TMEM132D: variants seen among roughly 807,000 people sequenced by gnomAD.
The protein encoded by TMEM132D is mature OL transmembrane protein.
A neutral mutation model predicts 62.3 loss-of-function variants in TMEM132D; 21 were observed. The observed-to-expected ratio is 0.34, with a 90% confidence interval of 0.24 to 0.49. The LOEUF is 0.49. Ranked by LOEUF, TMEM132D falls within the 20% of genes least tolerant of loss-of-function variation. The pLI is 0.99. For missense variants in TMEM132D, 1,346 were observed against 1,402.8 expected (o/e 0.96, Z 0.65); for synonymous variants, 621 against 575.6 (o/e 1.08, Z -1.13).
intron 1 of TMEM132D, among the ~76,000 whole-genome samples, chr12:129,883,895 A>G (rs1281227651): frequency 6.6e-6 from 1 of 152,232 alleles, no homozygotes; most frequent in African/African-American, 2.4e-5. Context: ...AAATTAACCA[A>G]GACTGGATTA....
intron 1 of TMEM132D, among the ~76,000 whole-genome samples, chr12:129,755,589 C>G (rs1223236570): frequency 6.6e-6 from 1 of 152,168 alleles, no homozygotes; most frequent in Non-Finnish European, 1.5e-5. Context: ...TAGCTGGTCT[C>G]TAGGCACTAG....
At position 129,816,803 on chromosome 12, in the gene TMEM132D, T is replaced by C. The variant is rs138933462; in HGVS notation, c.79+86458A>G. 2.2e-4 allele frequency among the ~76,000 whole-genome samples: 34 copies of C among 152,354 alleles called. No individual in the cohort carries two copies. The East Asian group carries it at 4.8e-3, about 22-fold the overall frequency. On this transcript the variant is annotated intron_variant, in intron 1 of 8. Transcript: ENST00000422113. ...TGATATGAGGACTTTGATTACAGCA[T>C]TTGCTAAAACGAACGCAGATGATGT...
chr12:129,376,099 C>T (rs1398335257), intron 3 of TMEM132D, among the ~76,000 whole-genome samples: 1 of 152,110 alleles, frequency 6.6e-6, no homozygotes, highest in Non-Finnish European at 1.5e-5. Context: ...CATCAGGGCT[C>T]TGGTTCCTGG....
At chr12:129,091,788 C>T (rs1874926085) in intron 5 of TMEM132D, among the ~76,000 whole-genome samples, 1 of 152,216 alleles carries the variant, frequency 6.6e-6, no homozygotes, top group African/African-American at 2.4e-5. Flanking sequence ...GGACCTGGCC[C>T]CAACTCCATC....
chr12:129,561,004 C>T (rs1877209956), intron 2 of TMEM132D, among the ~76,000 whole-genome samples: 1 of 152,166 alleles, frequency 6.6e-6, no homozygotes. Context: ...TGGCAACAGA[C>T]TGCAGGGAGA....
At chr12:129,191,306 C>CACAG (rs1475751785) in intron 5 of TMEM132D, among the ~76,000 whole-genome samples, 1 of 151,450 alleles carries the variant, frequency 6.6e-6, no homozygotes, top group Admixed American at 6.6e-5. Flanking sequence ...CACACACACA[C>CACAG]ACACACACAC....
At chr12:129,234,036 C>T (rs1432832849) in intron 4 of TMEM132D, among the ~76,000 whole-genome samples, 1 of 152,126 alleles carries the variant, frequency 6.6e-6, no homozygotes, top group Non-Finnish European at 1.5e-5. Context: ...TTTTCTCAAC[C>T]ATTGAGTTAG....
At chr12:129,395,364 T>G (rs1871393590) in intron 3 of TMEM132D, among the ~76,000 whole-genome samples, 1 of 152,170 alleles carries the variant, frequency 6.6e-6, no homozygotes, top group African/African-American at 2.4e-5. Flanking sequence ...TATACCCATT[T>G]CTTATGGGCA....
At chr12:129,191,853 G>A (rs140821207) in intron 5 of TMEM132D, among the ~76,000 whole-genome samples, 5 of 152,140 alleles carry the variant, frequency 3.3e-5, no homozygotes, top group Admixed American at 6.5e-5. Flanking sequence ...GGACTTTTTT[G>A]TTACTGCTTA....
chr12:129,354,475 C>T (rs536473661), intron 3 of TMEM132D, among the ~76,000 whole-genome samples: 4 of 152,028 alleles, frequency 2.6e-5, no homozygotes, highest in Non-Finnish European at 5.9e-5. Flanking sequence ...AGGTGCGAGC[C>T]ACCACGCCCG....
At chr12:129,207,338 A>T (rs1232492904) in intron 5 of TMEM132D, among the ~76,000 whole-genome samples, 1 of 152,050 alleles carries the variant, frequency 6.6e-6, no homozygotes, top group Non-Finnish European at 1.5e-5. Flanking sequence ...TTAGGTTCCA[A>T]CGAGGACAGT....
At chr12:129,597,533 T>A (rs1444000936) in intron 2 of TMEM132D, among the ~76,000 whole-genome samples, 2 of 152,080 alleles carry the variant, frequency 1.3e-5, no homozygotes, top group East Asian at 1.9e-4. Context: ...GGAGTACAAG[T>A]AGGACAGTCC....
At chr12:129,604,149 C>T (rs899153863) in intron 2 of TMEM132D, among the ~76,000 whole-genome samples, 8 of 152,046 alleles carry the variant, frequency 5.3e-5, no homozygotes, top group African/African-American at 1.9e-4. Flanking sequence ...GGGAACATCA[C>T]ACACCAGGGC....
intron 5 of TMEM132D, among the ~76,000 whole-genome samples, chr12:129,118,203 C>T (rs545041604): frequency 2.7e-4 from 41 of 152,124 alleles, no homozygotes; most frequent in Non-Finnish European, 5.6e-4. Context: ...ATTCTGAAGT[C>T]GAACCTTCAA....
chr12:129,642,762 A>C (rs1228584726), intron 2 of TMEM132D, among the ~76,000 whole-genome samples: 3 of 152,194 alleles, frequency 2.0e-5, no homozygotes, highest in Admixed American at 6.5e-5. Context: ...GTAAACTAAA[A>C]GTTGACAGCA....
intron 1 of TMEM132D, among the ~76,000 whole-genome samples, chr12:129,718,650 A>G (rs1354361063): frequency 6.6e-5 from 10 of 152,180 alleles, no homozygotes; most frequent in South Asian, 2.1e-4. Context: ...ATGTTATTCA[A>G]TGCTCACCAT....
At chr12:129,439,449 GTTTTTTA>G (rs1872879093) in intron 3 of TMEM132D, among the ~76,000 whole-genome samples, 1 of 150,614 alleles carries the variant, frequency 6.6e-6, no homozygotes, top group African/African-American at 2.4e-5. Context: ...GTTGTTTTTT[GTTTTTTA>G]TTTTTGAGAC....
chr12:129,662,006 C>T (rs1880247665), intron 2 of TMEM132D, among the ~76,000 whole-genome samples: 1 of 152,084 alleles, frequency 6.6e-6, no homozygotes, highest in Non-Finnish European at 1.5e-5. Flanking sequence ...TGGTACAGCT[C>T]AGAAGTGTAA....
chr12:129,086,468 A>C (rs1289263237), intron 5 of TMEM132D, among the ~76,000 whole-genome samples: 1 of 152,096 alleles, frequency 6.6e-6, no homozygotes, highest in Non-Finnish European at 1.5e-5. Context: ...CACTGTATTT[A>C]GCTCCCACTT....
Sources: gnomAD v4.1 joint callset for allele counts (sites outside exome capture counted in the v4.1 genomes callset) on GRCh38, gnomAD v4.1.1 for gene constraint, MANE v1.5 for transcripts, NCBI Gene and HGNC (gene_info 2026-07-23, HGNC 2026-07-21) for gene names.